The following AHCYL2 variants were observed in gnomAD, a reference collection of about 807,000 sequenced individuals.
The protein encoded by AHCYL2 is adenosylhomocysteinase like 2, also known as S-adenosylhomocysteine hydrolase-like protein 2.
A neutral mutation model predicts 81.4 loss-of-function variants in AHCYL2; 28 were observed. The ratio of observed to expected loss-of-function variants is 0.34; its 90% CI spans 0.25 to 0.47. The LOEUF is 0.47. Among genes scored for constraint, AHCYL2 ranks in the 20% least tolerant of loss-of-function variants. AHCYL2 has a pLI of 1.00. For synonymous variants in AHCYL2, 272 were observed against 290.2 expected (o/e 0.94, Z 0.64); for missense variants, 551 against 785.1 (o/e 0.70, Z 3.56).
intron 1 of AHCYL2, among the ~76,000 whole-genome samples, chr7:129,373,104 T>A (rs1036802114): frequency 6.6e-6 from 1 of 152,142 alleles, no homozygotes; most frequent in African/African-American, 2.4e-5. Flanking sequence ...GAAAAAAATT[T>A]TTTTTTTTAA....
chr7:129,370,540 T>C (rs903477307), intron 1 of AHCYL2, among the ~76,000 whole-genome samples: 1 of 151,090 alleles, frequency 6.6e-6, no homozygotes, highest in Non-Finnish European at 1.5e-5. Flanking sequence ...CTACTAAAAA[T>C]ACAAAAAATT....
chr7:129,229,165 TC>T (rs1317569260), intron 1 of AHCYL2, among the ~76,000 whole-genome samples: 4 of 151,816 alleles, frequency 2.6e-5, no homozygotes, highest in African/African-American at 9.7e-5. Context: ...CCTCCCGGGT[TC>T]AAGCGATTCC....
chr7:129,366,241 G>T (rs1237497341), intron 1 of AHCYL2, among the ~76,000 whole-genome samples: 1 of 152,040 alleles, frequency 6.6e-6, no homozygotes, highest in Non-Finnish European at 1.5e-5. Context: ...GTGATCCCTT[G>T]ATACGTCTGA....
At chr7:129,285,956 C>A (rs1266765795) in intron 1 of AHCYL2, among the ~76,000 whole-genome samples, 5 of 152,018 alleles carry the variant, frequency 3.3e-5, no homozygotes, top group Admixed American at 3.3e-4. Context: ...AAGTAATCTG[C>A]CCACCTTGGC....
intron 1 of AHCYL2, among the ~76,000 whole-genome samples, chr7:129,331,237 G>A (rs955303053): frequency 6.6e-5 from 10 of 152,030 alleles, no homozygotes; most frequent in African/African-American, 9.7e-5. Flanking sequence ...AATATAAATC[G>A]GTGCTTTTCT....
chr7:129,277,909 A>G (rs186501525), intron 1 of AHCYL2, among the ~76,000 whole-genome samples: 18 of 152,348 alleles, frequency 1.2e-4, no homozygotes, highest in African/African-American at 4.1e-4. Flanking sequence ...AACATTTATT[A>G]GAGATATGTT....
At chr7:129,268,125 A>G (rs1277267504) in intron 1 of AHCYL2, among the ~76,000 whole-genome samples, 1 of 152,212 alleles carries the variant, frequency 6.6e-6, no homozygotes, top group African/African-American at 2.4e-5. Context: ...TTAGTAATTT[A>G]GTAAATTTAA....
intron 3 of AHCYL2, 125 bp downstream of exon 3, chr7:129,389,324 A>C: frequency 2.5e-6 from 3 of 1,198,256 alleles, no homozygotes; most frequent in Non-Finnish European, 3.5e-6. Flanking sequence ...CTTATAACAA[A>C]AGAAATGTGA....
chr7:129,357,031 T>C (rs1486171312), intron 1 of AHCYL2, among the ~76,000 whole-genome samples: 1 of 152,162 alleles, frequency 6.6e-6, no homozygotes, highest in Non-Finnish European at 1.5e-5. Flanking sequence ...ATAACAAACA[T>C]AGGTTTGCTA....
chr7:129,339,532 T>G (rs1308828731), intron 1 of AHCYL2, among the ~76,000 whole-genome samples: 1 of 152,084 alleles, frequency 6.6e-6, no homozygotes, highest in Non-Finnish European at 1.5e-5. Context: ...TTCACACCAT[T>G]CTGGGGACTA....
At chr7:129,401,026 A>G (rs1440726472) in intron 6 of AHCYL2, among the ~76,000 whole-genome samples, 2 of 152,198 alleles carry the variant, frequency 1.3e-5, no homozygotes, top group Non-Finnish European at 2.9e-5. Context: ...AGATTTGCAA[A>G]GAGGCAAAAA....
intron 1 of AHCYL2, among the ~76,000 whole-genome samples, chr7:129,333,498 A>G (rs1798492497): frequency 6.6e-6 from 1 of 152,186 alleles, no homozygotes; most frequent in Non-Finnish European, 1.5e-5. Flanking sequence ...ACTTGGAATC[A>G]TTAATGAAAA....
chr7:129,406,061 T>C lies in AHCYL2; in HGVS notation c.1206+162T>C, dbSNP rs561948146. ...TTGAAGTAGACTTTCTTTTTCCCTT[T>C]GCGTTGCCGCCATTTTCCCTTAAGT... On this transcript the variant is annotated intron_variant, in intron 9 of 16. Transcript: ENST00000325006. This position sits in a 1 kb window ranked among gnomAD's most constrained non-coding sequence, Gnocchi z 4.3. Among the ~76,000 whole-genome samples, 3 of 152,366 alleles carry C rather than the reference T, an allele frequency of 2.0e-5. No individual in the cohort carries two copies. Among genetic ancestry groups the C allele is most frequent in the African/African-American group, 7.2e-5 (3 of 41,590 alleles).
At chr7:129,290,552 A>G (rs991642759) in intron 1 of AHCYL2, among the ~76,000 whole-genome samples, 1 of 151,764 alleles carries the variant, frequency 6.6e-6, no homozygotes, top group Non-Finnish European at 1.5e-5. Flanking sequence ...AAAGTCCAGT[A>G]TTACTTTCCT....
In AHCYL2 at chr7:129,426,471, T is replaced by A. The variant is rs1204330004; in HGVS notation, c.1737T>A (p.Pro579=). 1 of 1,614,116 alleles carries A rather than the reference T, an allele frequency of 6.2e-7. No homozygotes were observed. Among genetic ancestry groups the A allele is most frequent in the East Asian group, 2.2e-5 (1 of 44,886 alleles). The part of the protein sequence containing the change: ...MDEYVASLHL[P]TFDAHLTELT... The stretch of plus-strand genomic sequence containing the variant: ...AGTATGTGGCCAGCCTACACCTGCC[T>A]ACCTTTGATGCCCACTTGACAGAGC... Residue 579 remains proline, a synonymous_variant, in exon 16 of 17, where the codon CCT becomes CCA. Transcript: ENST00000325006. The surrounding 1 kb of genome is among the most constrained non-coding windows in gnomAD (Gnocchi z 4.3).
In AHCYL2 at chr7:129,322,374, A is replaced by C. The variant is rs1217995099; in HGVS notation, c.364-57264A>C. ...AGGCTGGTCTTGAACTCCTGACCTC[A>C]GGTGATCTGCCCGCCTTGGTCTCCC... On this transcript the variant is annotated intron_variant, in intron 1 of 16. Transcript: ENST00000325006. 5.3e-5 allele frequency among the ~76,000 whole-genome samples: 8 copies of C among 152,220 alleles called. No homozygotes were observed. The South Asian group carries it at 1.7e-3, about 31-fold the overall frequency.
At chr7:129,356,029 T>G (rs773982547) in intron 1 of AHCYL2, among the ~76,000 whole-genome samples, 3 of 152,216 alleles carry the variant, frequency 2.0e-5, no homozygotes, top group African/African-American at 7.2e-5. Context: ...GAATGTGTTA[T>G]GTTGAAAATG....
intron 2 of AHCYL2, among the ~76,000 whole-genome samples, chr7:129,380,744 G>GT (rs2150887620): frequency 6.6e-6 from 1 of 151,946 alleles, no homozygotes; most frequent in Admixed American, 6.6e-5. Context: ...TTTTTGTGGG[G>GT]TAGCACAAGA....
At chr7:129,318,104 G>T (rs963019684) in intron 1 of AHCYL2, among the ~76,000 whole-genome samples, 3 of 152,156 alleles carry the variant, frequency 2.0e-5, no homozygotes, top group Non-Finnish European at 4.4e-5. Context: ...ACTCATTGAT[G>T]ATAAGTATGT....
Sources: allele counts gnomAD v4.1 joint callset (sites outside exome capture counted in the v4.1 genomes callset), GRCh38; gene constraint gnomAD v4.1.1; non-coding constraint Gnocchi (gnomAD v3.1); transcripts MANE v1.5; gene names NCBI Gene and HGNC (gene_info 2026-07-23, HGNC 2026-07-21).